Variants in SPIDR observed in about 807,000 individuals in gnomAD.
SPIDR encodes scaffold protein involved in DNA repair, also known as DNA repair-scaffolding protein.
A neutral mutation model predicts 104.6 loss-of-function variants in SPIDR; 93 were observed. The ratio of observed to expected loss-of-function variants is 0.89; its 90% CI spans 0.75 to 1.06. The LOEUF (loss-of-function observed/expected upper bound fraction) is 1.06, where lower values mean the gene tolerates loss of function less well. Ranked by LOEUF, SPIDR falls within the 50% of genes least tolerant of loss-of-function variation. The probability of loss-of-function intolerance (pLI) is 0.00; values close to 1 mark genes in which losing one functional copy is unlikely to be tolerated. For missense variants in SPIDR, 1,154 were observed against 1,111.2 expected (o/e 1.04, Z -0.55); for synonymous variants, 431 against 416.9 (o/e 1.03, Z -0.41).
chr8:47,412,322 A>T (rs2063648560), intron 7 of SPIDR, among the ~76,000 whole-genome samples: 1 of 152,200 alleles, frequency 6.6e-6, no homozygotes. Flanking sequence ...TTTAGAATTT[A>T]GGGAAGTCTT....
At chr8:47,647,616 AAGAG>A (rs369414271) in intron 10 of SPIDR, among the ~76,000 whole-genome samples, 768 of 60,450 alleles carry the variant, frequency 0.013, 7 homozygotes, top group African/African-American at 0.018. Context: ...TCCATCTCGA[AAGAG>A]AGAGAGAGAG....
chr8:47,326,697 G>A (rs2047718538), intron 5 of SPIDR, among the ~76,000 whole-genome samples: 1 of 152,204 alleles, frequency 6.6e-6, no homozygotes, highest in Admixed American at 6.5e-5. Flanking sequence ...TCACATAAAT[G>A]GAAATCATAT....
At chr8:47,542,379 G>A (rs962738277) in intron 8 of SPIDR, among the ~76,000 whole-genome samples, 17 of 152,176 alleles carry the variant, frequency 1.1e-4, no homozygotes, top group African/African-American at 2.4e-4. Flanking sequence ...CCAGAGTTGC[G>A]TGAGTGACTG....
At chr8:47,297,600 C>G (rs2041117610) in intron 5 of SPIDR, among the ~76,000 whole-genome samples, 1 of 152,072 alleles carries the variant, frequency 6.6e-6, no homozygotes, top group African/African-American at 2.4e-5. Flanking sequence ...AATGCTATCC[C>G]TCCCCACCTC....
chr8:47,458,256 C>A (rs1301742644), intron 8 of SPIDR, among the ~76,000 whole-genome samples: 2 of 152,006 alleles, frequency 1.3e-5, no homozygotes, highest in East Asian at 3.8e-4. Context: ...TCTCTGACTT[C>A]TTTCAGCAGT....
intron 5 of SPIDR, among the ~76,000 whole-genome samples, chr8:47,346,449 C>G (rs1296335850): frequency 2.6e-5 from 4 of 152,132 alleles, no homozygotes; most frequent in African/African-American, 9.7e-5. Flanking sequence ...GTGTCTCTGC[C>G]AGGCTTTGGT....
At chr8:47,387,831 C>T (rs1554649242) in intron 5 of SPIDR, among the ~76,000 whole-genome samples, 1 of 152,220 alleles carries the variant, frequency 6.6e-6, no homozygotes, top group South Asian at 2.1e-4. Context: ...CAAGTTCATG[C>T]TCCTTGCCTA....
At position 47,729,042 on chromosome 8, in the gene SPIDR, G is replaced by C; in HGVS notation, c.2545G>C (p.Val849Leu). ...CTCAAGACCGCAGTGCAGAGTGAAGGTCAAGGTAGGAGCCAGGCCAGAGCA... is the reference window on the plus strand; with the variant it reads ...CTCAAGACCGCAGTGCAGAGTGAAGCTCAAGGTAGGAGCCAGGCCAGAGCA... ...CRSRPQCRVK[V>L]KLLQRSISSL... Residue 849 changes from valine to leucine, a missense_variant, in exon 18 of 20, where the codon GTC becomes CTC. Transcript: ENST00000297423. 1 of 1,613,820 alleles carries C rather than the reference G, an allele frequency of 6.2e-7. No individual in the cohort carries two copies. Among genetic ancestry groups the C allele is most frequent in the Non-Finnish European group, 8.5e-7 (1 of 1,179,962 alleles).
intron 7 of SPIDR, among the ~76,000 whole-genome samples, chr8:47,413,879 T>G (rs1258705240): frequency 6.6e-6 from 1 of 152,240 alleles, no homozygotes; most frequent in African/African-American, 2.4e-5. Flanking sequence ...AGATTTGAAC[T>G]GTCAAGTCGA....
At chr8:47,443,951 A>G (rs1227974188) in intron 8 of SPIDR, among the ~76,000 whole-genome samples, 1 of 152,172 alleles carries the variant, frequency 6.6e-6, no homozygotes, top group Non-Finnish European at 1.5e-5. Context: ...ATCTGAAAAT[A>G]AAGATAGAAG....
At chr8:47,301,056 C>G (rs1180869709) in intron 5 of SPIDR, among the ~76,000 whole-genome samples, 2 of 152,144 alleles carry the variant, frequency 1.3e-5, no homozygotes, top group Non-Finnish European at 2.9e-5. Flanking sequence ...GTGTTAAAGT[C>G]TCCCATTATT....
intron 8 of SPIDR, among the ~76,000 whole-genome samples, chr8:47,493,656 C>T (rs2079049885): frequency 6.6e-6 from 1 of 152,180 alleles, no homozygotes; most frequent in Non-Finnish European, 1.5e-5. Context: ...GTGGTAGCAG[C>T]AGGGCTTAGA....
At chr8:47,666,492 TA>T (rs2074952755) in intron 10 of SPIDR, among the ~76,000 whole-genome samples, 1 of 152,270 alleles carries the variant, frequency 6.6e-6, no homozygotes, top group South Asian at 2.1e-4. Context: ...TTATATCAAA[TA>T]TGCTTATATA....
At chr8:47,642,319 G>A (rs1233292129) in intron 10 of SPIDR, among the ~76,000 whole-genome samples, 1 of 152,050 alleles carries the variant, frequency 6.6e-6, no homozygotes, top group African/African-American at 2.4e-5. Context: ...GGGAGGCTGA[G>A]GCAGGTGAAT....
intron 16 of SPIDR, among the ~76,000 whole-genome samples, chr8:47,721,528 G>C (rs1320527316): frequency 3.3e-5 from 5 of 151,500 alleles, no homozygotes; most frequent in Non-Finnish European, 2.9e-5. Context: ...CTGGAGTGCA[G>C]TGGCACGATC....
At chr8:47,535,092 A>G (rs2086685021) in intron 8 of SPIDR, among the ~76,000 whole-genome samples, 1 of 152,162 alleles carries the variant, frequency 6.6e-6, no homozygotes, top group Middle Eastern at 3.2e-3. Flanking sequence ...AAACTCGCAC[A>G]AGGAGAAACA....
intron 5 of SPIDR, 120 bp from the exon 6 acceptor site, chr8:47,396,256 A>G: frequency 1.2e-6 from 1 of 861,728 alleles, no homozygotes; most frequent in Non-Finnish European, 1.7e-6. Flanking sequence ...TACTGTATTC[A>G]AAAAGGTCCT....
At position 47,713,442 on chromosome 8, in the gene SPIDR, C is replaced by G. The variant is rs377528343; in HGVS notation, c.2189-47C>G. On this transcript the variant is annotated intron_variant, in intron 15 of 19. Transcript: ENST00000297423. ...GGAGACTGCCATTATGGGCACAATT[C>G]ACTTTTTCTTCAAGGCTTCAATAAC... 1,037 of 1,611,366 alleles carry G rather than the reference C, an allele frequency of 6.4e-4. 6 individuals carry two copies. Among genetic ancestry groups the G allele is most frequent in the Non-Finnish European group, 1.2e-4 (143 of 1,177,938 alleles).
intron 8 of SPIDR, among the ~76,000 whole-genome samples, chr8:47,475,267 T>G (rs1319353408): frequency 6.6e-6 from 1 of 152,234 alleles, no homozygotes; most frequent in African/African-American, 2.4e-5. Flanking sequence ...TAGCACACCC[T>G]GCCCTCAATT....
Sources: gnomAD v4.1 joint callset for allele counts (sites outside exome capture counted in the v4.1 genomes callset) on GRCh38, gnomAD v4.1.1 for gene constraint, MANE v1.5 for transcripts, NCBI Gene and HGNC (gene_info 2026-07-23, HGNC 2026-07-21) for gene names.